The following CASC3 variants were observed in gnomAD, a reference collection of about 807,000 sequenced individuals.
CASC3 encodes the protein protein CASC3.
CASC3 carries 30 observed loss-of-function variants against 80.5 expected under a neutral mutation model. The ratio of observed to expected loss-of-function variants is 0.37; its 90% confidence interval spans 0.28 to 0.51. The LOEUF (loss-of-function observed/expected upper bound fraction) is 0.51, where lower values mean the gene tolerates loss of function less well. Among genes scored for constraint, CASC3 ranks in the 20% least tolerant of loss-of-function variants. CASC3 has a pLI of 0.94. For synonymous variants in CASC3, 312 were observed against 333.6 expected (o/e 0.94, Z 0.70); for missense variants, 824 against 922.2 (o/e 0.89, Z 1.38).
rs560227562 is a variant in CASC3 at position 40,168,060 on chromosome 17, C to A, written c.1750+112C>A. On this transcript the variant is annotated intron_variant, in intron 10 of 13. Transcript: ENST00000264645. ...GCTGCTAGCCTGGGAGTCTGGCCATCCTGGCTGCTTGGGCAACAAGTTCCT... is the reference window on the plus strand; with the variant it reads ...GCTGCTAGCCTGGGAGTCTGGCCATACTGGCTGCTTGGGCAACAAGTTCCT... The A allele has an allele frequency of 7.6e-6, 10 of 1,322,812 alleles. No individual in the cohort carries two copies. The African/African-American group carries it at 1.0e-4, about 13-fold the overall frequency. The allele number at this position is 1,322,812 out of a possible 1,614,324, so 81.9% of individuals were successfully genotyped here. A position where few individuals can be genotyped will look rare whatever the true frequency, so the allele number is the denominator to read the frequency against.
intron 3 of CASC3, among the ~76,000 whole-genome samples, chr17:40,142,969 C>T (rs548056290): frequency 4.0e-5 from 6 of 151,204 alleles, no homozygotes; most frequent in African/African-American, 9.7e-5. Flanking sequence ...TGCCTGTAAT[C>T]GCAGCTACTT....
intron 3 of CASC3, among the ~76,000 whole-genome samples, chr17:40,146,335 G>A (rs1988859478): frequency 6.6e-6 from 1 of 151,986 alleles, no homozygotes; most frequent in Non-Finnish European, 1.5e-5. Flanking sequence ...TCCCATCCTG[G>A]TAAACCCATC....
intron 11 of CASC3, 170 bp from the exon 12 acceptor site, chr17:40,169,154 A>T: frequency 1.5e-6 from 1 of 679,676 alleles, no homozygotes; most frequent in Non-Finnish European, 2.3e-6. Flanking sequence ...ATAATAATGA[A>T]GAATTAAGGC....
chr17:40,155,156 T>A (rs1310041379), intron 3 of CASC3, among the ~76,000 whole-genome samples: 1 of 152,182 alleles, frequency 6.6e-6, no homozygotes, highest in Non-Finnish European at 1.5e-5. Context: ...CCCAAAATGC[T>A]GGGATTACAG....
At chr17:40,142,578 C>T (rs752012783) in intron 3 of CASC3, among the ~76,000 whole-genome samples, 33 of 151,974 alleles carry the variant, frequency 2.2e-4, no homozygotes, top group African/African-American at 7.7e-4. Flanking sequence ...TTGAGACCAA[C>T]GTGGCCAAAA....
In CASC3 at chr17:40,140,722, C is replaced by T. The variant is rs1480054042; in HGVS notation, c.174C>T (p.Ala58=). The part of the protein sequence containing the change: ...LPSQRGGRTG[A]LHLRRVESGG... The stretch of plus-strand genomic sequence containing the variant: ...CACAGCGCGGAGGCCGAACCGGGGC[C>T]CTTCATCTGCGGCGGGTGGAGAGCG... Residue 58 remains alanine (A), a synonymous_variant, in exon 1 of 14, where the codon GCC becomes GCT. Transcript: ENST00000264645. 2.6e-6 allele frequency: 4 copies of T among 1,555,530 alleles called. No individual in the cohort carries two copies. Among genetic ancestry groups the T allele is most frequent in the African/African-American group, 2.7e-5 (2 of 73,164 alleles).
chr17:40,148,515 C>T (rs999075034), intron 3 of CASC3, among the ~76,000 whole-genome samples: 1 of 152,072 alleles, frequency 6.6e-6, no homozygotes, highest in Non-Finnish European at 1.5e-5. Flanking sequence ...CGTGTGTCAC[C>T]GTGCCCAGCT....
In CASC3 at chr17:40,171,051, T is replaced by C. The variant is rs1989581389; in HGVS notation, c.*646T>C. 2 of 985,498 alleles carry C rather than the reference T, an allele frequency of 2.0e-6. No homozygotes were observed. The highest frequency in any genetic ancestry group is 1.2e-6 in the Non-Finnish European group (1 of 829,948). The allele number at this position is 985,498 out of a possible 1,614,324, so 61.0% of individuals were successfully genotyped here. ...TTGTTATCCTCTTGTATACTTGTAT[T>C]CCCTTAACTCTAACCCTGTGGAAGC... is the stretch of plus-strand genomic sequence containing the variant. On this transcript the variant is annotated 3_prime_UTR_variant, in exon 14 of 14. Transcript: ENST00000264645.
At chr17:40,142,353 GA>G (rs914445989) in intron 3 of CASC3, among the ~76,000 whole-genome samples, 1 of 152,230 alleles carries the variant, frequency 6.6e-6, no homozygotes, top group African/African-American at 2.4e-5. Flanking sequence ...GCTGATAGGG[GA>G]TAGCACTGGG....
intron 2 of CASC3, 111 bp downstream of exon 2, chr17:40,141,345 G>A: frequency 9.1e-7 from 1 of 1,099,046 alleles, no homozygotes; most frequent in Non-Finnish European, 1.4e-6. Context: ...TAGGGCCACA[G>A]AGTGCCTTTT....
intron 10 of CASC3, 77 bp from the exon 11 acceptor site, chr17:40,168,126 T>C: frequency 1.4e-6 from 2 of 1,398,384 alleles, no homozygotes; most frequent in Non-Finnish European, 1.0e-6. Flanking sequence ...AGCCTGATTA[T>C]ACTGAGCAGT....
In CASC3 at chr17:40,141,202, T is replaced by C. The variant is rs777175895; in HGVS notation, c.232-5T>C. On this transcript the variant is annotated splice_region_variant and splice_polypyrimidine_tract_variant and intron_variant, in intron 1 of 13. Transcript: ENST00000264645. ...AACTAACCCATGTCTTCTGCTTTCT[T>C]TCAGGAGAGTGAAGATGGCATTGAA... The C allele has an allele frequency of 3.1e-6, 5 of 1,607,404 alleles. No individual in the cohort carries two copies. Among genetic ancestry groups the C allele is most frequent in the Non-Finnish European group, 4.3e-6 (5 of 1,175,510 alleles).
chr17:40,156,532 A>C (rs1456614457), intron 3 of CASC3, among the ~76,000 whole-genome samples: 2 of 151,924 alleles, frequency 1.3e-5, no homozygotes, highest in Non-Finnish European at 2.9e-5. Context: ...TGAAAATACA[A>C]AAAATAATTA....
rs150381393 is a variant in CASC3 at position 40,166,800 on chromosome 17, T to C, written c.1475T>C (p.Met492Thr). The change falls in exon 8 of 14, where the codon ATG (methionine) becomes ACG (threonine). Residue 492 changes from methionine (M) to threonine (T), a missense_variant. This residue lies in a region of CASC3 where 464 missense variants were observed against 506.0 expected (regional missense o/e 0.92). Transcript: ENST00000264645. ...TGACTTTTTTGGTGTATTACAGGTA[T>C]GCCCAACCATATACACATGGGAGCA... ...SFLQPRELRGMPNHIHMGAGP... is the reference protein window; with the variant it reads ...SFLQPRELRGTPNHIHMGAGP... The C allele has an allele frequency of 6.3e-7, 1 of 1,595,362 alleles. No individual in the cohort carries two copies. The highest frequency in any genetic ancestry group is 8.5e-7 in the Non-Finnish European group (1 of 1,174,182).
chr17:40,169,450 TGA>T lies in CASC3; in HGVS notation c.2088+8_2088+9del. On this transcript the variant is annotated splice_donor_5th_base_variant and intron_variant, in intron 12 of 13. Transcript: ENST00000264645. ...CATCAAGCCCCCTCCACCTGAGGTA[TGA>T]GAGTTCCTTCCTATACTTAATGCAC... 1 of 1,604,868 alleles carries T rather than the reference TGA, an allele frequency of 6.2e-7. No individual in the cohort carries two copies. Among genetic ancestry groups the T allele is most frequent in the Non-Finnish European group, 8.5e-7 (1 of 1,175,690 alleles).
rs951113541 is a variant in CASC3, at chr17:40,171,419, A to G, written c.*1014A>G. On this transcript the variant is annotated 3_prime_UTR_variant, in exon 14 of 14. Transcript: ENST00000264645. The stretch of plus-strand genomic sequence containing the variant: ...CCCCTTTTCCAGTTGCTGTGGACCA[A>G]TGCATCTCTTTAAAGGCAAATATTA... 16 of 985,982 alleles carry G rather than the reference A, an allele frequency of 1.6e-5. No individual in the cohort carries two copies. The highest frequency in any genetic ancestry group is 1.9e-5 in the Non-Finnish European group (16 of 830,078). The allele number at this position is 985,982 out of a possible 1,614,324, so 61.1% of individuals were successfully genotyped here. A position where few individuals can be genotyped will look rare whatever the true frequency, so the allele number is the denominator to read the frequency against.
At chr17:40,154,057 G>A (rs1159950991) in intron 3 of CASC3, among the ~76,000 whole-genome samples, 1 of 129,032 alleles carries the variant, frequency 7.8e-6, no homozygotes, top group Non-Finnish European at 1.6e-5. Flanking sequence ...GGTATGAGAT[G>A]TTTTCTCATT....
chr17:40,163,961 G>T lies in CASC3; in HGVS notation c.1266G>T (p.Glu422Asp). The change falls in exon 7 of 14, where the codon GAG becomes GAT. Residue 422 changes from glutamate (E) to aspartate (D), a missense_variant. Glu to Asp is a conservative substitution (Grantham distance 45). Coordinates refer to ENST00000264645, the MANE Select transcript of CASC3 (RefSeq NM_007359.5). ...TTGGAGATGCAGTCAAGCTTGCAGA[G>T]GAGGTGCCCCCTCCTCCTGAAGGAC... ...TKVGDAVKLA[E>D]EVPPPPEGLI... 2 of 1,614,140 alleles carry T rather than the reference G, an allele frequency of 1.2e-6. No individual in the cohort carries two copies. The highest frequency in any genetic ancestry group is 1.7e-6 in the Non-Finnish European group (2 of 1,180,034).
Position 40,161,837 on chromosome 17 carries a change from AAAG to A in CASC3, c.387_389del (p.Glu130del), listed in dbSNP as rs753696360. 1.2e-6 allele frequency: 2 copies of A among 1,614,214 alleles called. No homozygotes were observed. Among genetic ancestry groups the A allele is most frequent in the South Asian group, 1.1e-5 (1 of 91,084 alleles). On this transcript the variant is annotated inframe_deletion, in exon 4 of 14. Coordinates refer to ENST00000264645, the MANE Select transcript of CASC3 (RefSeq NM_007359.5). ...TAATGATGCTGTTAATTCTTCAACA[AAAG>A]AAGAGAAGGGAGAAGAAAAGCCTGA...
Sources: allele counts gnomAD v4.1 joint callset (sites outside exome capture counted in the v4.1 genomes callset), GRCh38; gene constraint gnomAD v4.1.1; regional missense constraint gnomAD v4.1.1; transcripts MANE v1.5; gene names NCBI Gene and HGNC (gene_info 2026-07-23, HGNC 2026-07-21).